RFC1: variants seen among roughly 807,000 people sequenced by gnomAD.
RFC1 encodes the protein replication factor C subunit 1.
RFC1 carries 37 observed loss-of-function variants against 137.4 expected under a neutral mutation model. The ratio of observed to expected loss-of-function variants is 0.27; its 90% CI spans 0.21 to 0.35. RFC1 has a LOEUF of 0.35. Among genes scored for constraint, RFC1 ranks in the 10% least tolerant of loss-of-function variants. The pLI is 1.00. For synonymous variants in RFC1, 429 were observed against 455.7 expected (o/e 0.94, Z 0.75); for missense variants, 1,205 against 1,358.5 (o/e 0.89, Z 1.78).
At chr4:39,302,413 A>C (rs763293573) in intron 18 of RFC1, 37 bp from the exon 19 acceptor site, 1 of 1,560,018 alleles carries the variant, frequency 6.4e-7, no homozygotes, top group Non-Finnish European at 8.8e-7. Flanking sequence ...TCAAGATAGG[A>C]AAATCCTGTT....
In RFC1 at chr4:39,320,712, G is replaced by T. The variant is rs373720810; in HGVS notation, c.809-43C>A. On this transcript the variant is annotated intron_variant, in intron 8 of 24. Coordinates refer to ENST00000349703, the MANE Select transcript of RFC1 (RefSeq NM_002913.5). Reference sequence around the variant, plus strand: ...ATTATGGTTGTTGTTTTTGGAAAATGATAATCTATATCAACTTTTCTTTCA... The same window carrying T: ...ATTATGGTTGTTGTTTTTGGAAAATTATAATCTATATCAACTTTTCTTTCA... The T allele has an allele frequency of 1.8e-3, 2,692 of 1,511,174 alleles. 2 individuals are homozygous for T. Among genetic ancestry groups the T allele is most frequent in the Non-Finnish European group, 2.2e-3 (2,456 of 1,133,706 alleles). The allele number at this position is 1,511,174 out of a possible 1,614,324, so 93.6% of individuals were successfully genotyped here. A position where few individuals can be genotyped will look rare whatever the true frequency, so the allele number is the denominator to read the frequency against.
intron 3 of RFC1, 111 bp downstream of exon 3, chr4:39,345,290 C>T: frequency 4.9e-6 from 4 of 821,760 alleles, no homozygotes; most frequent in South Asian, 1.8e-5. Context: ...GCTGCGATTG[C>T]GATTACAGGC....
At chr4:39,314,225 C>G (rs1739121265) in intron 10 of RFC1, among the ~76,000 whole-genome samples, 1 of 152,104 alleles carries the variant, frequency 6.6e-6, no homozygotes, top group African/African-American at 2.4e-5. Flanking sequence ...ATCTCAGGGT[C>G]CCTTGAAGCC....
intron 22 of RFC1, among the ~76,000 whole-genome samples, chr4:39,294,532 G>T (rs1737868663): frequency 6.6e-6 from 1 of 152,054 alleles, no homozygotes; most frequent in African/African-American, 2.4e-5. Context: ...TTAGCCAGGT[G>T]TGGTGGCATG....
intron 13 of RFC1, 57 bp from the exon 14 acceptor site, chr4:39,306,758 A>G (rs536666706): frequency 4.1e-6 from 4 of 974,172 alleles, no homozygotes; most frequent in African/African-American, 3.2e-5. Flanking sequence ...CAGAAATTCA[A>G]GCATGGCAGA....
chr4:39,295,775 T>C lies in RFC1; in HGVS notation c.2809-16A>G, dbSNP rs754907452. The C allele has an allele frequency of 2.7e-5, 44 of 1,606,416 alleles. No individual in the cohort carries two copies. Among genetic ancestry groups the C allele is most frequent in the East Asian group, 1.1e-4 (5 of 44,794 alleles). ...CATAAATGGCCTGAAAAAAAATCAA[T>C]TGCAGTCCAGAATTTATGTTCCGTA... On this transcript the variant is annotated splice_polypyrimidine_tract_variant and intron_variant, in intron 21 of 24. Transcript: ENST00000349703.
intron 4 of RFC1, among the ~76,000 whole-genome samples, chr4:39,330,125 A>G (rs1740025080): frequency 6.6e-6 from 1 of 152,168 alleles, no homozygotes; most frequent in Non-Finnish European, 1.5e-5. Context: ...TTTGGTATGC[A>G]AAGCCACATA....
At chr4:39,310,395 G>A (rs1366688994) in intron 12 of RFC1, among the ~76,000 whole-genome samples, 1 of 152,148 alleles carries the variant, frequency 6.6e-6, no homozygotes, top group Non-Finnish European at 1.5e-5. Flanking sequence ...TTAATTTCCT[G>A]GTTTTTATAA....
chr4:39,291,900 A>C, intron 22 of RFC1, 48 bp from the exon 23 acceptor site: 8 of 1,357,990 alleles, frequency 5.9e-6, no homozygotes, highest in South Asian at 1.2e-5. Flanking sequence ...GTATCAACTC[A>C]AGTCATACTG....
chr4:39,313,987 C>G (rs889327207), intron 10 of RFC1, among the ~76,000 whole-genome samples: 1 of 152,058 alleles, frequency 6.6e-6, no homozygotes, highest in South Asian at 2.1e-4. Context: ...AATTATACAA[C>G]CAAACAAAAT....
intron 1 of RFC1, among the ~76,000 whole-genome samples, chr4:39,353,397 C>CA (rs11416030): frequency 0.097 from 6,188 of 63,500 alleles, 886 homozygotes; most frequent in African/African-American, 0.3. Context: ...GAGACTGTCT[C>CA]AAAAAAAAAA....
chr4:39,320,645 T>C lies in RFC1; in HGVS notation c.833A>G (p.Glu278Gly), dbSNP rs752583076. ...HKVKTAQVSD[E>G]RKSYSPRKQS... ...CTTCCTAGGACTGTAGCTCTTTCTTTCATCTGAAACTTGTGCTGTTTTTAC... is the reference window on the plus strand; with the variant it reads ...CTTCCTAGGACTGTAGCTCTTTCTTCCATCTGAAACTTGTGCTGTTTTTAC... Residue 278 changes from glutamate to glycine, a missense_variant, in exon 9 of 25, where the codon GAA becomes GGA. By Grantham distance (98) the Glu-to-Gly change is moderately conservative. Coordinates refer to ENST00000349703, the MANE Select transcript of RFC1 (RefSeq NM_002913.5). 3.2e-6 allele frequency: 5 copies of C among 1,584,148 alleles called. No individual in the cohort carries two copies. The African/African-American group carries it at 6.9e-5, about 22-fold the overall frequency.
At chr4:39,303,181 G>C (rs1301155112) in intron 15 of RFC1, 30 bp from the exon 16 acceptor site, 2 of 1,469,688 alleles carry the variant, frequency 1.4e-6, no homozygotes, top group African/African-American at 1.4e-5. Flanking sequence ...AATGGGATGA[G>C]ACAAAAACAA....
At chr4:39,319,714 C>CA (rs1739418682) in intron 9 of RFC1, among the ~76,000 whole-genome samples, 1 of 152,108 alleles carries the variant, frequency 6.6e-6, no homozygotes, top group South Asian at 2.1e-4. Context: ...AAGACCACCC[C>CA]AGTAGGTGCC....
chr4:39,345,533 T>A, intron 2 of RFC1, 57 bp from the exon 3 acceptor site: 1 of 1,425,792 alleles, frequency 7.0e-7, no homozygotes, highest in Non-Finnish European at 9.6e-7. Flanking sequence ...TATCTTTTTT[T>A]TTTTTGAGAC....
chr4:39,320,549 A>T lies in RFC1; in HGVS notation c.929T>A (p.Val310Asp), dbSNP rs1470051371. Residue 310 changes from valine to aspartate, a missense_variant, in exon 9 of 25, where the codon GTC becomes GAC. Transcript: ENST00000349703. The part of the protein sequence containing the change: ...SKSSADKIGE[V>D]SSPKASSKLA... ...CTTAGAACTGGCCTTGGGAGAAGAG[A>T]CTTCTCCTATTTTGTCAGCTGATGA... 1 of 1,613,026 alleles carries T rather than the reference A, an allele frequency of 6.2e-7. No homozygotes were observed. The highest frequency in any genetic ancestry group is 2.2e-5 in the East Asian group (1 of 44,838).
intron 15 of RFC1, among the ~76,000 whole-genome samples, chr4:39,304,521 G>T (rs554054762): frequency 1.2e-4 from 18 of 152,254 alleles, no homozygotes; most frequent in Middle Eastern, 6.8e-3. Context: ...ATTACACATG[G>T]TTTTTTATTT....
intron 12 of RFC1, among the ~76,000 whole-genome samples, chr4:39,309,996 T>C (rs925880050): frequency 1.3e-5 from 2 of 152,164 alleles, no homozygotes; most frequent in African/African-American, 4.8e-5. Context: ...CCAGCACTAG[T>C]TTCAGTGGGA....
At chr4:39,316,138 G>A (rs1275424537) in intron 10 of RFC1, among the ~76,000 whole-genome samples, 1 of 152,238 alleles carries the variant, frequency 6.6e-6, no homozygotes, top group Non-Finnish European at 1.5e-5. Flanking sequence ...GCTGAGGCAG[G>A]AGAATCGCTT....
Sources: allele counts gnomAD v4.1 joint callset (sites outside exome capture counted in the v4.1 genomes callset), GRCh38; gene constraint gnomAD v4.1.1; transcripts MANE v1.5; gene names NCBI Gene and HGNC (gene_info 2026-07-23, HGNC 2026-07-21).